Variants in RAD51B observed in about 807,000 individuals in gnomAD.
RAD51B encodes the protein RAD51 paralog B.
Under a neutral mutation model 42.2 loss-of-function variants are expected in RAD51B, and 38 were observed. The observed-to-expected ratio is 0.90, with a 90% confidence interval of 0.70 to 1.18. The LOEUF is 1.18. RAD51B is among the 50% of genes most tolerant of loss of function. The pLI is 0.00. For missense variants in RAD51B, 373 were observed against 400.7 expected, an observed-to-expected ratio of 0.93 and a Z score of 0.59; for synonymous variants, 154 against 145.2, an observed-to-expected ratio of 1.06 and a Z score of -0.43.
intron 9 of RAD51B, among the ~76,000 whole-genome samples, chr14:68,423,397 G>A (rs1311738491): frequency 6.6e-6 from 1 of 152,152 alleles, no homozygotes; most frequent in Non-Finnish European, 1.5e-5. Flanking sequence ...CTTTGTACCA[G>A]TTATTCTGCT....
intron 7 of RAD51B, among the ~76,000 whole-genome samples, chr14:67,982,009 T>G (rs1326812039): frequency 6.6e-6 from 1 of 152,188 alleles, no homozygotes; most frequent in Non-Finnish European, 1.5e-5. Context: ...CAGTCTAGGC[T>G]CACTGCAGCC....
chr14:68,463,857 C>A (rs1225418620), intron 9 of RAD51B, among the ~76,000 whole-genome samples: 1 of 152,130 alleles, frequency 6.6e-6, no homozygotes, highest in Non-Finnish European at 1.5e-5. Flanking sequence ...GGCATGGTTT[C>A]CTGGGTGAGG....
At chr14:68,370,449 C>A (rs1303251929) in intron 8 of RAD51B, among the ~76,000 whole-genome samples, 1 of 152,148 alleles carries the variant, frequency 6.6e-6, no homozygotes, top group Non-Finnish European at 1.5e-5. Context: ...GTATGTAAAA[C>A]TAGGTAAAGA....
chr14:68,066,655 T>A (rs1443947915), intron 7 of RAD51B, among the ~76,000 whole-genome samples: 1 of 152,196 alleles, frequency 6.6e-6, no homozygotes, highest in Non-Finnish European at 1.5e-5. Flanking sequence ...GGCATGCTGG[T>A]ATACACCTAT....
intron 7 of RAD51B, among the ~76,000 whole-genome samples, chr14:68,283,369 A>C (rs1260739793): frequency 1.3e-5 from 2 of 152,222 alleles, no homozygotes; most frequent in Admixed American, 6.5e-5. Context: ...CGTACAGTGC[A>C]GCAGAAGGCT....
At chr14:68,380,975 T>C (rs1455386223) in intron 8 of RAD51B, among the ~76,000 whole-genome samples, 2 of 152,250 alleles carry the variant, frequency 1.3e-5, no homozygotes, top group African/African-American at 4.8e-5. Context: ...TTGGCATCTA[T>C]TGATACATTT....
chr14:68,382,354 C>T (rs1276686415), intron 8 of RAD51B, among the ~76,000 whole-genome samples: 1 of 152,110 alleles, frequency 6.6e-6, no homozygotes, highest in Non-Finnish European at 1.5e-5. Context: ...GAATTGTCTC[C>T]GGATGAGAAT....
chr14:67,948,577 A>G lies in RAD51B; in HGVS notation c.756+61373A>G, dbSNP rs140338616. ...CATTTTTTTTGGTTTCCCAATTCAT[A>G]TAAAAGTTATGTTTATACTACATTG... On this transcript the variant is annotated intron_variant, in intron 7 of 10. Coordinates refer to ENST00000471583, the MANE Select transcript of RAD51B (RefSeq NM_133510.4). Among the ~76,000 whole-genome samples the G allele has an allele frequency of 1.8e-3, 273 of 152,250 alleles. 2 individuals carry two copies. Among genetic ancestry groups the G allele is most frequent in the Non-Finnish European group, 2.7e-3 (184 of 68,016 alleles).
intron 9 of RAD51B, among the ~76,000 whole-genome samples, chr14:68,417,508 T>A (rs1305752224): frequency 6.6e-6 from 1 of 152,152 alleles, no homozygotes; most frequent in East Asian, 1.9e-4. Context: ...TTAAGTGGAT[T>A]GGGGAAATAA....
chr14:67,955,021 G>A lies in RAD51B; in HGVS notation c.756+67817G>A, dbSNP rs2074521600. 2.0e-5 allele frequency among the ~76,000 whole-genome samples: 3 copies of A among 152,008 alleles called. No individual in the cohort carries two copies. In the South Asian group the frequency reaches 6.2e-4, roughly 31 times the overall value. ...CTGAGGGAGGATATATCAGACCTCA[G>A]GCATCTCATTAAAAAAGATAAGGCC... On this transcript the variant is annotated intron_variant, in intron 7 of 10. Coordinates refer to ENST00000471583, the MANE Select transcript of RAD51B (RefSeq NM_133510.4).
Position 67,860,529 on chromosome 14 carries a change from A to G in RAD51B, c.316-4474A>G, listed in dbSNP as rs58909790. On this transcript the variant is annotated intron_variant, in intron 4 of 10. Transcript: ENST00000471583. ...ATTTGCACATTTCATTGCATGTAGA[A>G]TTTACTGCAAAAGGAAAAAAAGGAA... Among the ~76,000 whole-genome samples the G allele has an allele frequency of 6.2e-4, 94 of 152,302 alleles. 2 individuals carry two copies. The East Asian group carries it at 0.014, about 23-fold the overall frequency.
intron 9 of RAD51B, among the ~76,000 whole-genome samples, chr14:68,434,821 G>A (rs1381250221): frequency 6.6e-6 from 1 of 152,100 alleles, no homozygotes; most frequent in African/African-American, 2.4e-5. Context: ...GAAATCACCC[G>A]TCTTCTGCAT....
At chr14:68,678,645 C>T (rs140793412) in intron 11 of RAD51B, among the ~76,000 whole-genome samples, 115 of 152,222 alleles carry the variant, frequency 7.6e-4, no homozygotes, top group Admixed American at 1.2e-3. Flanking sequence ...CTCAGCTTTT[C>T]ATGGGGATGG....
intron 9 of RAD51B, among the ~76,000 whole-genome samples, chr14:68,445,743 C>T (rs2085405295): frequency 6.6e-6 from 1 of 152,170 alleles, no homozygotes; most frequent in African/African-American, 2.4e-5. Context: ...TGATGAGTTT[C>T]AAGTAGTATC....
chr14:67,872,688 A>C (rs1372057761), intron 5 of RAD51B, among the ~76,000 whole-genome samples: 2 of 152,050 alleles, frequency 1.3e-5, no homozygotes, highest in East Asian at 3.9e-4. Context: ...ACTTCAAACT[A>C]TACTACAAGG....
intron 10 of RAD51B, among the ~76,000 whole-genome samples, chr14:68,520,785 C>A (rs369135252): frequency 6.6e-6 from 1 of 152,176 alleles, no homozygotes; most frequent in Non-Finnish European, 1.5e-5. Flanking sequence ...ATGAATTTTA[C>A]AGTCTATTGG....
Position 67,952,366 on chromosome 14 carries a change from C to T in RAD51B, c.756+65162C>T, listed in dbSNP as rs187658875. Among the ~76,000 whole-genome samples the T allele has an allele frequency of 1.8e-3, 269 of 152,136 alleles. 1 individual carries two copies. Among genetic ancestry groups the T allele is most frequent in the Non-Finnish European group, 3.1e-3 (210 of 67,974 alleles). On this transcript the variant is annotated intron_variant, in intron 7 of 10. Transcript: ENST00000471583. ...TCTATGTGTGGAAGAGTAAATGAAG[C>T]GTTTCTGCAATATTAATGAACGGAC...
At chr14:68,580,910 C>T (rs1227264211) in intron 10 of RAD51B, among the ~76,000 whole-genome samples, 1 of 152,180 alleles carries the variant, frequency 6.6e-6, no homozygotes, top group Non-Finnish European at 1.5e-5. Flanking sequence ...CTTTGGCGGT[C>T]ATCTCTGGAG....
intron 9 of RAD51B, among the ~76,000 whole-genome samples, chr14:68,458,914 G>A (rs1050767061): frequency 2.0e-5 from 3 of 152,070 alleles, no homozygotes; most frequent in Non-Finnish European, 2.9e-5. Flanking sequence ...TTTAGATGCC[G>A]CTAAACTCAT....
Sources: allele counts gnomAD v4.1 joint callset (sites outside exome capture counted in the v4.1 genomes callset), GRCh38; gene constraint gnomAD v4.1.1; transcripts MANE v1.5; gene names NCBI Gene and HGNC (gene_info 2026-07-23, HGNC 2026-07-21).